KDM7A: variants seen among roughly 807,000 people sequenced by gnomAD.
KDM7A encodes lysine-specific demethylase 7A.
A neutral mutation model predicts 114.8 loss-of-function variants in KDM7A; 28 were observed. The observed-to-expected ratio is 0.24, with a 90% CI of 0.18 to 0.33. The LOEUF (loss-of-function observed/expected upper bound fraction) is 0.33, where lower values mean the gene tolerates loss of function less well. KDM7A is among the 10% of genes least tolerant of loss of function. The pLI is 1.00. For synonymous variants in KDM7A, 423 were observed against 397.8 expected, an observed-to-expected ratio of 1.06 and a Z score of -0.75; for missense variants, 942 against 1,142.5, an observed-to-expected ratio of 0.82 and a Z score of 2.53.
At chr7:140,154,524 A>G (rs548506068) in intron 1 of KDM7A, among the ~76,000 whole-genome samples, 2 of 151,020 alleles carry the variant, frequency 1.3e-5, no homozygotes, top group East Asian at 3.9e-4. Flanking sequence ...AAAAAAAGAC[A>G]AAAAACAGTG....
chr7:140,155,673 G>T, intron 1 of KDM7A, among the ~76,000 whole-genome samples: 1 of 152,182 alleles, frequency 6.6e-6, no homozygotes, highest in Admixed American at 6.5e-5. Flanking sequence ...AAAAAGAATC[G>T]CAAGGAAGGA....
intron 4 of KDM7A, among the ~76,000 whole-genome samples, chr7:140,128,648 T>TA (rs1818743304): frequency 6.6e-6 from 1 of 152,244 alleles, no homozygotes; most frequent in African/African-American, 2.4e-5. Context: ...AATACTTAGT[T>TA]AGATTTCCTC....
At chr7:140,173,023 G>A (rs1794663893) in intron 1 of KDM7A, among the ~76,000 whole-genome samples, 2 of 152,024 alleles carry the variant, frequency 1.3e-5, no homozygotes, top group Non-Finnish European at 2.9e-5. Context: ...ATTCTAACAG[G>A]AAGAAAACAG....
In KDM7A at chr7:140,099,930, G is replaced by A; in HGVS notation, c.1732C>T (p.Arg578Ter). The A allele has an allele frequency of 6.2e-7, 1 of 1,611,154 alleles. No individual in the cohort carries two copies. Among genetic ancestry groups the A allele is most frequent in the Non-Finnish European group, 8.5e-7 (1 of 1,177,290 alleles). The change falls in exon 13 of 20, where the codon CGA (arginine) becomes TGA (stop). Residue 578 changes from arginine to a stop codon, truncating the protein, a stop_gained. Coordinates refer to ENST00000397560, the MANE Select transcript of KDM7A (RefSeq NM_030647.2). LOFTEE classifies it high-confidence loss of function. ...PEWRAKDNDL[R>*]LLLTNGRIIK... ...ATTCTTCCATTTGTCAGCAGTAATC[G>A]TAGATCATTATCTTTCGCTCTCCAT...
chr7:140,152,954 G>C (rs1794417511), intron 1 of KDM7A, among the ~76,000 whole-genome samples: 1 of 151,804 alleles, frequency 6.6e-6, no homozygotes, highest in South Asian at 2.1e-4. Flanking sequence ...CTGCCTCCTG[G>C]GTTCAAGCGA....
At position 140,100,750 on chromosome 7, in the gene KDM7A, A is replaced by G. The variant is rs141517600; in HGVS notation, c.1639-727T>C. 4.3e-4 allele frequency among the ~76,000 whole-genome samples: 43 copies of G among 100,464 alleles called. 1 individual carries two copies. Among genetic ancestry groups the G allele is most frequent in the East Asian group, 1.8e-3 (6 of 3,312 alleles). The allele number at this position is 100,464 out of a possible 152,430, so 65.9% of individuals were successfully genotyped here. ...TATATATATATATATATACATATAT[A>G]TTTTTTTGTTTGTTTGTTTGTTTGT... On this transcript the variant is annotated intron_variant, in intron 12 of 19. Transcript: ENST00000397560.
chr7:140,096,431 C>G, intron 17 of KDM7A, 124 bp downstream of exon 17: 1 of 759,690 alleles, frequency 1.3e-6, no homozygotes, highest in South Asian at 1.8e-5. Flanking sequence ...TTTTGGTCAA[C>G]CTTCTTAACA....
At chr7:140,094,399 G>C (rs937946474) in intron 17 of KDM7A, among the ~76,000 whole-genome samples, 3 of 152,106 alleles carry the variant, frequency 2.0e-5, no homozygotes, top group Non-Finnish European at 4.4e-5. Flanking sequence ...CAGCTACTTG[G>C]GAGGCCGAGG....
At chr7:140,170,489 G>C (rs1475429884) in intron 1 of KDM7A, among the ~76,000 whole-genome samples, 1 of 152,192 alleles carries the variant, frequency 6.6e-6, no homozygotes, top group Non-Finnish European at 1.5e-5. Context: ...ATGAGCACCG[G>C]AGTCAGCCTG....
At chr7:140,109,820 A>G (rs185081340) in intron 11 of KDM7A, among the ~76,000 whole-genome samples, 1 of 152,366 alleles carries the variant, frequency 6.6e-6, no homozygotes, top group African/African-American at 2.4e-5. Context: ...CCAGCGCCAC[A>G]TAACATATTG....
chr7:140,124,373 G>C (rs1321993492), intron 7 of KDM7A, among the ~76,000 whole-genome samples: 3 of 151,936 alleles, frequency 2.0e-5, no homozygotes, highest in African/African-American at 7.3e-5. Flanking sequence ...TGAATATTGT[G>C]GTATGTGAAT....
At chr7:140,145,836 T>G (rs1447400627) in intron 1 of KDM7A, among the ~76,000 whole-genome samples, 2 of 152,138 alleles carry the variant, frequency 1.3e-5, no homozygotes, top group Non-Finnish European at 2.9e-5. Flanking sequence ...CTGAAAAACC[T>G]AAACCAGCAT....
rs183993724 is a variant in KDM7A, at chr7:140,135,451, T to C, written c.281-1795A>G. Among the ~76,000 whole-genome samples the C allele has an allele frequency of 7.2e-5, 11 of 152,294 alleles. No homozygotes were observed. In the East Asian group the frequency reaches 1.9e-3, roughly 27 times the overall value. The stretch of plus-strand genomic sequence containing the variant: ...CTCCTGACCTTGTGATCCGCCCACC[T>C]TGGCCTCCCAAAGTGCTAGGATTAC... On this transcript the variant is annotated intron_variant, in intron 2 of 19. Coordinates refer to ENST00000397560, the MANE Select transcript of KDM7A (RefSeq NM_030647.2).
At chr7:140,152,604 C>T (rs1291844161) in intron 1 of KDM7A, among the ~76,000 whole-genome samples, 2 of 147,552 alleles carry the variant, frequency 1.4e-5, no homozygotes, top group South Asian at 2.1e-4. Context: ...CCAGCCTGGG[C>T]GAGAGTGAGA....
At chr7:140,162,129 A>T (rs1395199623) in intron 1 of KDM7A, among the ~76,000 whole-genome samples, 1 of 152,062 alleles carries the variant, frequency 6.6e-6, no homozygotes, top group African/African-American at 2.4e-5. Flanking sequence ...TGAGGTTGGG[A>T]GTTTGCGACC....
At chr7:140,094,284 C>T in intron 17 of KDM7A, 146 bp from the exon 18 acceptor site, 1 of 640,714 alleles carries the variant, frequency 1.6e-6, no homozygotes, top group Admixed American at 2.5e-5. Context: ...GCAGGTCAAT[C>T]ACTTGAAGTC....
At chr7:140,135,205 C>CTTTTTTT (rs11336171) in intron 2 of KDM7A, among the ~76,000 whole-genome samples, 1 of 131,850 alleles carries the variant, frequency 7.6e-6, no homozygotes. Context: ...TACATAACTC[C>CTTTTTTT]TTTTTTTTTT....
chr7:140,146,530 T>A (rs1794341986), intron 1 of KDM7A, among the ~76,000 whole-genome samples: 1 of 152,238 alleles, frequency 6.6e-6, no homozygotes, highest in Non-Finnish European at 1.5e-5. Context: ...ACCTGGCACA[T>A]AACCTTCTTT....
intron 1 of KDM7A, among the ~76,000 whole-genome samples, chr7:140,174,694 G>A (rs1024328061): frequency 6.6e-6 from 1 of 152,136 alleles, no homozygotes; most frequent in South Asian, 2.1e-4. Context: ...TCCGCTTCCC[G>A]GGTTCAAAAG....
Sources: gnomAD v4.1 joint callset for allele counts (sites outside exome capture counted in the v4.1 genomes callset) on GRCh38, gnomAD v4.1.1 for gene constraint, MANE v1.5 for transcripts, NCBI Gene and HGNC (gene_info 2026-07-23, HGNC 2026-07-21) for gene names.